KNDC1: variants seen among roughly 807,000 people sequenced by gnomAD.
KNDC1 encodes kinase non-catalytic C-lobe domain-containing protein 1.
Under a neutral mutation model 172.8 loss-of-function variants are expected in KNDC1, and 106 were observed. The observed-to-expected ratio is 0.61, with a 90% CI of 0.52 to 0.72. The LOEUF is 0.72. KNDC1 is among the 30% of genes least tolerant of loss of function. The pLI is 0.00. For missense variants in KNDC1, 2,325 were observed against 2,394.5 expected (o/e 0.97, Z 0.61); for synonymous variants, 1,083 against 1,062.2 (o/e 1.02, Z -0.38).
intron 1 of KNDC1, among the ~76,000 whole-genome samples, chr10:133,166,217 G>A (rs1282975575): frequency 6.6e-6 from 1 of 152,120 alleles, no homozygotes; most frequent in Admixed American, 6.5e-5. Flanking sequence ...GGGGGAGGGG[G>A]GGCCAGCGAT....
intron 24 of KNDC1, among the ~76,000 whole-genome samples, 194 bp from the exon 25 acceptor site, chr10:133,213,451 G>A (rs561599789): frequency 2.6e-5 from 4 of 152,350 alleles, no homozygotes; most frequent in South Asian, 2.1e-4. Flanking sequence ...GGGCTGCCCC[G>A]GACACCATGA....
At chr10:133,177,063 C>G (rs1040404418) in intron 3 of KNDC1, among the ~76,000 whole-genome samples, 2 of 152,202 alleles carry the variant, frequency 1.3e-5, no homozygotes, top group African/African-American at 4.8e-5. Context: ...AGCTGTGCAC[C>G]AACCTCTGCT....
Position 133,195,727 on chromosome 10 carries a change from A to C in KNDC1, c.1640A>C (p.His547Pro). Residue 547 changes from histidine to proline, a missense_variant, in exon 10 of 30, where the codon CAC (histidine) becomes CCC (proline). Coordinates refer to ENST00000304613, the MANE Select transcript of KNDC1 (RefSeq NM_152643.8). ...TAAKFSVPRN[H>P]KLALPRRLKT... ...GCCAAGTTCAGCGTCCCCCGCAACCACAAGCTGGCCCTGCCACGCAGGCTC... is the reference window on the plus strand; with the variant it reads ...GCCAAGTTCAGCGTCCCCCGCAACCCCAAGCTGGCCCTGCCACGCAGGCTC... 2 of 1,612,464 alleles carry C rather than the reference A, an allele frequency of 1.2e-6. No individual in the cohort carries two copies. The highest frequency in any genetic ancestry group is 2.2e-5 in the South Asian group (2 of 90,886).
chr10:133,182,961 TGGGCACAGG>T (rs1853764490), intron 3 of KNDC1, among the ~76,000 whole-genome samples: 1 of 143,968 alleles, frequency 6.9e-6, no homozygotes, highest in South Asian at 2.2e-4. Flanking sequence ...ACAGGCGGTG[TGGGCACAGG>T]CGGTGTGGGC....
chr10:133,216,176 G>T (rs928188857), intron 26 of KNDC1, among the ~76,000 whole-genome samples: 2 of 152,188 alleles, frequency 1.3e-5, no homozygotes, highest in Non-Finnish European at 2.9e-5. Context: ...AATGCTCGGG[G>T]GTCAGTGGCT....
At chr10:133,202,434 G>A (rs1470094534) in intron 17 of KNDC1, 2 of 406,680 alleles carry the variant, frequency 4.9e-6, no homozygotes, top group African/African-American at 2.1e-5. Flanking sequence ...AGACCGGGGA[G>A]TCCTGGGTGC....
intron 1 of KNDC1, among the ~76,000 whole-genome samples, chr10:133,162,293 C>T (rs1029579544): frequency 1.2e-5 from 1 of 80,290 alleles, no homozygotes; most frequent in Non-Finnish European, 2.5e-5. Flanking sequence ...TCTGAAATCT[C>T]CATCGGGGCA....
At chr10:133,204,372 G>A (rs1023964144) in intron 17 of KNDC1, among the ~76,000 whole-genome samples, 4 of 152,226 alleles carry the variant, frequency 2.6e-5, no homozygotes, top group African/African-American at 9.6e-5. Context: ...TGCACTTTAG[G>A]CAGCCACGGC....
In KNDC1 at chr10:133,218,134, G is replaced by T. The variant is rs374250909; in HGVS notation, c.4678-697G>T. Reference sequence around the variant, plus strand: ...TCTGCAGCCTTGGTTTCCACCAAAGGATGGCCCAGGCCAAGGTGATTCCTC... The same window carrying T: ...TCTGCAGCCTTGGTTTCCACCAAAGTATGGCCCAGGCCAAGGTGATTCCTC... On this transcript the variant is annotated intron_variant, in intron 26 of 29. Transcript: ENST00000304613. Among the ~76,000 whole-genome samples, 18 of 152,306 alleles carry T rather than the reference G, an allele frequency of 1.2e-4. No individual in the cohort carries two copies. In the East Asian group the frequency reaches 2.3e-3, roughly 20 times the overall value.
intron 7 of KNDC1, among the ~76,000 whole-genome samples, chr10:133,189,203 G>A (rs1854009628): frequency 6.6e-6 from 1 of 152,164 alleles, no homozygotes; most frequent in Non-Finnish European, 1.5e-5. Context: ...AAGGGCTGGG[G>A]GAGAGGCCAT....
intron 29 of KNDC1, among the ~76,000 whole-genome samples, chr10:133,220,940 C>T (rs1056828038): frequency 2.0e-5 from 3 of 152,096 alleles, no homozygotes; most frequent in Admixed American, 1.3e-4. Context: ...GCCTGGGTAC[C>T]TTGCCCCTCA....
chr10:133,203,386 C>T (rs1190730717), intron 17 of KNDC1, among the ~76,000 whole-genome samples: 1 of 152,276 alleles, frequency 6.6e-6, no homozygotes, highest in African/African-American at 2.4e-5. Context: ...CACAGCCTCA[C>T]GTTTCTCTTG....
chr10:133,182,944 TGTGGGC>T (rs753023142), intron 3 of KNDC1, among the ~76,000 whole-genome samples: 1,807 of 138,598 alleles, frequency 0.013, 17 homozygotes, highest in Non-Finnish European at 0.022. Context: ...GCACAGGCGG[TGTGGGC>T]ACAGGCGGTG....
At chr10:133,173,160 G>C (rs1428685108) in intron 3 of KNDC1, among the ~76,000 whole-genome samples, 1 of 152,198 alleles carries the variant, frequency 6.6e-6, no homozygotes, top group Non-Finnish European at 1.5e-5. Flanking sequence ...TGATTGGACA[G>C]TTAATTTGTG....
At chr10:133,180,675 C>T (rs927117812) in intron 3 of KNDC1, among the ~76,000 whole-genome samples, 4 of 152,252 alleles carry the variant, frequency 2.6e-5, no homozygotes, top group South Asian at 2.1e-4. Flanking sequence ...AGAAGACACA[C>T]GCACAACGTT....
Position 133,163,485 on chromosome 10 carries a change from C to T in KNDC1, c.102+2916C>T, listed in dbSNP as rs1417350945. ...GATGAGCTCAGAGCAGAAGGCACCT[C>T]GGGAGCAGAGGTGGTTTTGTGGTGG... On this transcript the variant is annotated intron_variant, in intron 1 of 29. Coordinates refer to ENST00000304613, the MANE Select transcript of KNDC1 (RefSeq NM_152643.8). This position sits in a 1 kb window ranked among gnomAD's most constrained non-coding sequence, Gnocchi z 4.4. 2.0e-5 allele frequency among the ~76,000 whole-genome samples: 3 copies of T among 152,046 alleles called. No individual in the cohort carries two copies. Among genetic ancestry groups the T allele is most frequent in the Admixed American group, 1.3e-4 (2 of 15,266 alleles).
rs868720050 is a variant in KNDC1, at chr10:133,222,052, C to A, written c.5018+1940C>A. ...ACTCTAACACTCTGGGAGGCCGAGG[C>A]GGGCGGATCACTTGAGGTCAGGAGT... On this transcript the variant is annotated intron_variant, in intron 29 of 29. Transcript: ENST00000304613. 1.2e-4 allele frequency among the ~76,000 whole-genome samples: 7 copies of A among 60,812 alleles called. 1 individual carries two copies. In the Admixed American group the frequency reaches 1.3e-3, roughly 11 times the overall value. 39.9% of individuals were successfully genotyped at this position (60,812 alleles called of 152,430 possible).
At chr10:133,190,320 G>T (rs28629970) in intron 9 of KNDC1, among the ~76,000 whole-genome samples, 11 of 139,190 alleles carry the variant, frequency 7.9e-5, no homozygotes, top group Non-Finnish European at 1.6e-4. Flanking sequence ...ACACCCTGCA[G>T]TAAGCACCCT....
chr10:133,183,784 C>G, intron 4 of KNDC1, 88 bp from the exon 5 acceptor site: 3 of 1,107,938 alleles, frequency 2.7e-6, no homozygotes, highest in Non-Finnish European at 3.9e-6. Context: ...CCCAGGTCAC[C>G]TTCAAAGGAT....
Sources: gnomAD v4.1 joint callset for allele counts (sites outside exome capture counted in the v4.1 genomes callset) on GRCh38, gnomAD v4.1.1 for gene constraint, Gnocchi (gnomAD v3.1) non-coding constraint, MANE v1.5 for transcripts, NCBI Gene and HGNC (gene_info 2026-07-23, HGNC 2026-07-21) for gene names.